AFF1: variants seen among roughly 807,000 people sequenced by gnomAD.
AFF1 encodes the protein ALF transcription elongation factor 1.
AFF1 carries 48 observed loss-of-function variants against 121.7 expected under a neutral mutation model. The ratio of observed to expected loss-of-function variants is 0.39; its 90% confidence interval spans 0.31 to 0.50. AFF1 has a LOEUF of 0.50. Among genes scored for constraint, AFF1 ranks in the 20% least tolerant of loss-of-function variants. The probability of loss-of-function intolerance (pLI) is 0.76; values close to 1 mark genes in which losing one functional copy is unlikely to be tolerated. For missense variants in AFF1, 1,523 were observed against 1,511.7 expected, an observed-to-expected ratio of 1.01 and a Z score of -0.12; for synonymous variants, 613 against 563.0, an observed-to-expected ratio of 1.09 and a Z score of -1.26.
intron 11 of AFF1, among the ~76,000 whole-genome samples, chr4:87,110,736 C>CA (rs144095714): frequency 0.18 from 27,638 of 152,006 alleles, 2,743 homozygotes; most frequent in Middle Eastern, 0.32. Flanking sequence ...CTTCTTAATT[C>CA]AAAATCATAA....
intron 1 of AFF1, among the ~76,000 whole-genome samples, chr4:86,942,441 G>A (rs1183842588): frequency 6.6e-6 from 1 of 152,194 alleles, no homozygotes; most frequent in Non-Finnish European, 1.5e-5. Context: ...CAGATAGTAA[G>A]TAGTAAGTAC....
At chr4:87,000,605 C>CTGTGTGTGTGTGTGTGTGTGTGTG (rs57615388) in intron 2 of AFF1, among the ~76,000 whole-genome samples, 1 of 146,370 alleles carries the variant, frequency 6.8e-6, no homozygotes, top group African/African-American at 2.5e-5. Context: ...AAAATAAACT[C>CTGTGTGTGTGTGTGTGTGTGTGTG]TGTGTGTGTG....
chr4:87,051,920 G>T (rs978147310), intron 4 of AFF1, among the ~76,000 whole-genome samples: 1 of 152,140 alleles, frequency 6.6e-6, no homozygotes, highest in South Asian at 2.1e-4. Flanking sequence ...AATCATAGGC[G>T]TTGATAAGAG....
In AFF1 at chr4:87,138,089, A is replaced by C. The variant is rs1279103554; in HGVS notation, c.*2388A>C. On this transcript the variant is annotated 3_prime_UTR_variant, in exon 21 of 21. Transcript: ENST00000395146. ...TTATTTGTCCCTTGAAAAAGTAACA[A>C]ATGTGCATAGATCAATTTGTACTAC... 1 of 231,532 alleles carries C rather than the reference A, an allele frequency of 4.3e-6. No homozygotes were observed. Among genetic ancestry groups the C allele is most frequent in the Non-Finnish European group, 8.5e-6 (1 of 117,118 alleles). 14.3% of individuals were successfully genotyped at this position (231,532 alleles called of 1,614,324 possible). A position where few individuals can be genotyped will look rare whatever the true frequency, so the allele number is the denominator to read the frequency against.
At chr4:86,957,822 G>A (rs549057413) in intron 2 of AFF1, among the ~76,000 whole-genome samples, 31 of 152,130 alleles carry the variant, frequency 2.0e-4, no homozygotes, top group African/African-American at 7.2e-4. Context: ...GATTACAGGC[G>A]TGAGCCACCA....
At chr4:86,944,620 A>G (rs1010048932) in intron 1 of AFF1, among the ~76,000 whole-genome samples, 1 of 152,178 alleles carries the variant, frequency 6.6e-6, no homozygotes, top group Non-Finnish European at 1.5e-5. Context: ...CTGGGATTAC[A>G]GACAGCCGCG....
intron 4 of AFF1, among the ~76,000 whole-genome samples, chr4:87,062,177 G>T (rs1720851113): frequency 6.6e-6 from 1 of 152,142 alleles, no homozygotes. Flanking sequence ...CTTAGACTGG[G>T]TAATTTATAA....
chr4:87,134,721 T>C, intron 20 of AFF1, 27 bp downstream of exon 20: 1 of 1,563,078 alleles, frequency 6.4e-7, no homozygotes, highest in Non-Finnish European at 8.8e-7. Flanking sequence ...GTGGTGGTAA[T>C]TACTGGGGTG....
At chr4:87,037,457 A>G (rs1307199062) in intron 2 of AFF1, among the ~76,000 whole-genome samples, 1 of 152,056 alleles carries the variant, frequency 6.6e-6, no homozygotes, top group African/African-American at 2.4e-5. Context: ...GATTACAGGC[A>G]CACACCACCA....
intron 8 of AFF1, among the ~76,000 whole-genome samples, chr4:87,100,637 C>CA (rs2149735854): frequency 6.6e-6 from 1 of 152,240 alleles, no homozygotes; most frequent in East Asian, 1.9e-4. Context: ...TTTTTCGGCT[C>CA]AGAGTTGTAG....
At chr4:87,129,974 CTT>C (rs1038371886) in intron 16 of AFF1, among the ~76,000 whole-genome samples, 1 of 146,226 alleles carries the variant, frequency 6.8e-6, no homozygotes, top group African/African-American at 2.5e-5. Context: ...TTCTTTTTTT[CTT>C]TTTCTTTTTT....
chr4:87,018,724 T>A (rs1363426389), intron 2 of AFF1, among the ~76,000 whole-genome samples: 2 of 152,266 alleles, frequency 1.3e-5, no homozygotes, highest in African/African-American at 2.4e-5. Flanking sequence ...GCCCTGTTTT[T>A]AATTTATTTT....
rs763614153 is a variant in AFF1, at chr4:87,114,554, C to G, written c.1721C>G (p.Ser574Cys). The stretch of plus-strand genomic sequence containing the variant: ...TCCAAAGATCCTCCCCCTAAAAGCT[C>G]CAGCAAAGCCCCCCGGGCCCCACCC... Reference protein sequence around the residue: ...SESKDPPPKSSSKAPRAPPEA... With the variant: ...SESKDPPPKSCSKAPRAPPEA... Residue 574 changes from serine (S) to cysteine (C), a missense_variant, in exon 12 of 21, where the codon TCC becomes TGC. Ser to Cys is a moderately radical substitution (Grantham distance 112, BLOSUM62 -1). Around this residue, in one of 5 missense-constraint regions of AFF1, gnomAD observed 905 missense variants for 842.5 expected, o/e 1.07. Transcript: ENST00000395146. The G allele has an allele frequency of 3.1e-6, 5 of 1,609,548 alleles. No individual in the cohort carries two copies. The Admixed American group carries it at 6.7e-5, about 22-fold the overall frequency.
At chr4:87,067,998 T>A (rs916001023) in intron 4 of AFF1, among the ~76,000 whole-genome samples, 5 of 152,232 alleles carry the variant, frequency 3.3e-5, no homozygotes, top group Non-Finnish European at 5.9e-5. Context: ...TTTTCTTATA[T>A]GTAAAATTAC....
intron 4 of AFF1, among the ~76,000 whole-genome samples, chr4:87,049,053 A>G (rs17012291): frequency 0.065 from 9,037 of 139,938 alleles, 645 homozygotes; most frequent in African/African-American, 0.17. Flanking sequence ...TCTTTATCAA[A>G]TAGGGTTAGC....
intron 2 of AFF1, among the ~76,000 whole-genome samples, chr4:86,981,651 T>C (rs2149491354): frequency 6.6e-6 from 1 of 152,342 alleles, no homozygotes; most frequent in Middle Eastern, 3.4e-3. Context: ...ATTACAGGTA[T>C]GAGCCAGGAC....
intron 2 of AFF1, among the ~76,000 whole-genome samples, chr4:87,022,580 A>ATATATATC (rs1399457511): frequency 2.2e-4 from 20 of 89,302 alleles, no homozygotes; most frequent in African/African-American, 7.4e-4. Context: ...ATATATATAT[A>ATATATATC]TATCTATCTA....
intron 4 of AFF1, among the ~76,000 whole-genome samples, chr4:87,071,243 A>T (rs1193983287): frequency 6.6e-6 from 1 of 150,986 alleles, no homozygotes; most frequent in Non-Finnish European, 1.5e-5. Context: ...ATTTTATTCC[A>T]CAAGAAGCTT....
chr4:87,013,356 C>G (rs1015597047), intron 2 of AFF1, among the ~76,000 whole-genome samples: 1 of 152,040 alleles, frequency 6.6e-6, no homozygotes, highest in African/African-American at 2.4e-5. Flanking sequence ...CTATCAAGTT[C>G]TTAAGGCTAT....
Sources: gnomAD v4.1 joint callset for allele counts (sites outside exome capture counted in the v4.1 genomes callset) on GRCh38, gnomAD v4.1.1 for gene constraint, gnomAD v4.1.1 regional missense constraint, MANE v1.5 for transcripts, NCBI Gene and HGNC (gene_info 2026-07-23, HGNC 2026-07-21) for gene names.